The following LCLAT1 variants were observed in gnomAD, a reference collection of about 807,000 sequenced individuals.
LCLAT1 encodes the protein 1-AGP acyltransferase 8.
In LCLAT1, 11 loss-of-function variants were observed where a neutral mutation model predicts 30.7. The observed-to-expected ratio is 0.36, with a 90% confidence interval of 0.23 to 0.59. LCLAT1 has a LOEUF of 0.59. LCLAT1 is among the 20% of genes least tolerant of loss of function. The pLI is 0.77. For synonymous variants in LCLAT1, 155 were observed against 151.3 expected (o/e 1.02, Z -0.18); for missense variants, 402 against 458.6 (o/e 0.88, Z 1.13).
intron 1 of LCLAT1, among the ~76,000 whole-genome samples, chr2:30,478,980 C>T (rs1683189188): frequency 6.6e-6 from 1 of 152,106 alleles, no homozygotes; most frequent in Admixed American, 6.6e-5. Flanking sequence ...CTTTTTAGGG[C>T]CTTTGTTTCT....
At chr2:30,545,147 CA>C (rs1664340228) in intron 3 of LCLAT1, among the ~76,000 whole-genome samples, 2 of 152,022 alleles carry the variant, frequency 1.3e-5, no homozygotes, top group East Asian at 3.9e-4. Flanking sequence ...TTAAGCCAGG[CA>C]TAAGTGTAAG....
At chr2:30,615,226 A>G (rs1025324203) in intron 5 of LCLAT1, among the ~76,000 whole-genome samples, 1 of 152,154 alleles carries the variant, frequency 6.6e-6, no homozygotes, top group Non-Finnish European at 1.5e-5. Context: ...AGTAGGCAAG[A>G]GCAGGTGAGA....
At chr2:30,628,923 G>T (rs1668638505) in intron 5 of LCLAT1, among the ~76,000 whole-genome samples, 1 of 152,168 alleles carries the variant, frequency 6.6e-6, no homozygotes, top group South Asian at 2.1e-4. Context: ...TGGAAAAGAT[G>T]CCATGAAGTC....
At chr2:30,569,785 A>G (rs1296178375) in intron 5 of LCLAT1, among the ~76,000 whole-genome samples, 1 of 152,202 alleles carries the variant, frequency 6.6e-6, no homozygotes, top group Non-Finnish European at 1.5e-5. Flanking sequence ...TGTTATTCAT[A>G]TTACTTTGGT....
chr2:30,536,810 T>C (rs576501263), intron 3 of LCLAT1, among the ~76,000 whole-genome samples: 2 of 152,260 alleles, frequency 1.3e-5, no homozygotes, highest in African/African-American at 2.4e-5. Context: ...ACAAAAGATA[T>C]ACAAAATAAC....
chr2:30,522,430 A>G (rs1322953300), intron 1 of LCLAT1, among the ~76,000 whole-genome samples: 1 of 152,128 alleles, frequency 6.6e-6, no homozygotes, highest in South Asian at 2.1e-4. Context: ...ATAATTTGGA[A>G]CCAAGTTTGT....
chr2:30,626,724 T>C (rs1467126599), intron 5 of LCLAT1, among the ~76,000 whole-genome samples: 9 of 152,014 alleles, frequency 5.9e-5, no homozygotes, highest in African/African-American at 2.2e-4. Context: ...ATATGAGTAG[T>C]TTCTCTTTTT....
At chr2:30,582,786 T>G (rs1666261223) in intron 5 of LCLAT1, among the ~76,000 whole-genome samples, 1 of 152,190 alleles carries the variant, frequency 6.6e-6, no homozygotes, top group African/African-American at 2.4e-5. Flanking sequence ...AAACTCAGGA[T>G]GAAAACATCA....
At chr2:30,569,837 C>T (rs925830940) in intron 5 of LCLAT1, among the ~76,000 whole-genome samples, 2 of 152,138 alleles carry the variant, frequency 1.3e-5, no homozygotes, top group Non-Finnish European at 2.9e-5. Flanking sequence ...ATAACATGGA[C>T]TTGTGGACTT....
At chr2:30,510,836 T>C (rs1162659305) in intron 1 of LCLAT1, among the ~76,000 whole-genome samples, 1 of 152,154 alleles carries the variant, frequency 6.6e-6, no homozygotes, top group Non-Finnish European at 1.5e-5. Flanking sequence ...TGTATAATTT[T>C]TGCTAATCAT....
At chr2:30,497,441 A>T (rs1318429100) in intron 1 of LCLAT1, among the ~76,000 whole-genome samples, 1 of 152,224 alleles carries the variant, frequency 6.6e-6, no homozygotes, top group Non-Finnish European at 1.5e-5. Flanking sequence ...TTTATTAAAA[A>T]TGTTAGACTT....
chr2:30,605,055 G>A (rs1306869006), intron 5 of LCLAT1, among the ~76,000 whole-genome samples: 1 of 152,212 alleles, frequency 6.6e-6, no homozygotes, highest in Non-Finnish European at 1.5e-5. Context: ...GGGTCATTCT[G>A]ATAAAACCAT....
chr2:30,511,097 T>C (rs939967284), intron 1 of LCLAT1, among the ~76,000 whole-genome samples: 4 of 152,206 alleles, frequency 2.6e-5, no homozygotes, highest in Admixed American at 6.5e-5. Flanking sequence ...TCTCATTATC[T>C]GTTCCTAATA....
At chr2:30,577,931 T>A (rs1009328383) in intron 5 of LCLAT1, among the ~76,000 whole-genome samples, 4 of 152,148 alleles carry the variant, frequency 2.6e-5, no homozygotes, top group Admixed American at 2.0e-4. Flanking sequence ...TGTGATTCCT[T>A]ATTATTTACT....
intron 1 of LCLAT1, among the ~76,000 whole-genome samples, chr2:30,478,097 G>C (rs1220517245): frequency 6.8e-6 from 1 of 147,124 alleles, no homozygotes; most frequent in Non-Finnish European, 1.5e-5. Context: ...AAAGGCATAA[G>C]CCAGTTACAG....
chr2:30,524,506 A>T (rs933223356), intron 1 of LCLAT1, among the ~76,000 whole-genome samples: 6 of 152,212 alleles, frequency 3.9e-5, no homozygotes, highest in Admixed American at 3.3e-4. Flanking sequence ...TTTGAATGTT[A>T]TATGGAAAAT....
chr2:30,559,564 A>G (rs563415233), intron 3 of LCLAT1, among the ~76,000 whole-genome samples: 3 of 152,212 alleles, frequency 2.0e-5, no homozygotes, highest in East Asian at 1.9e-4. Flanking sequence ...TTATTATTCT[A>G]TTGCAAAGTT....
intron 2 of LCLAT1, among the ~76,000 whole-genome samples, chr2:30,530,742 C>G (rs948275717): frequency 6.6e-6 from 1 of 152,068 alleles, no homozygotes; most frequent in African/African-American, 2.4e-5. Flanking sequence ...TGGAGTCTTG[C>G]TATGTTGCCT....
At chr2:30,544,856 T>A (rs1253914853) in intron 3 of LCLAT1, among the ~76,000 whole-genome samples, 1 of 152,190 alleles carries the variant, frequency 6.6e-6, no homozygotes, top group African/African-American at 2.4e-5. Context: ...TCTTTACTGC[T>A]GTAGTCATTT....
Sources: gnomAD v4.1 joint callset for allele counts (sites outside exome capture counted in the v4.1 genomes callset) on GRCh38, gnomAD v4.1.1 for gene constraint, MANE v1.5 for transcripts, NCBI Gene and HGNC (gene_info 2026-07-23, HGNC 2026-07-21) for gene names.